The following EML1 variants were observed in gnomAD, a reference collection of about 807,000 sequenced individuals.
The protein encoded by EML1 is EMAP like 1.
Under a neutral mutation model 110.4 loss-of-function variants are expected in EML1, and 27 were observed. The observed-to-expected ratio is 0.24, with a 90% confidence interval of 0.18 to 0.34. The LOEUF (loss-of-function observed/expected upper bound fraction) is 0.34. Ranked by LOEUF, EML1 falls within the 10% of genes least tolerant of loss-of-function variation. EML1 has a pLI of 1.00. For missense variants in EML1, 741 were observed against 1,030.9 expected, an observed-to-expected ratio of 0.72 and a Z score of 3.85; for synonymous variants, 344 against 385.8, an observed-to-expected ratio of 0.89 and a Z score of 1.27.
chr14:99,743,196 T>C (rs1007800802), intron 1 of EML1, among the ~76,000 whole-genome samples: 2 of 152,164 alleles, frequency 1.3e-5, no homozygotes, highest in Non-Finnish European at 2.9e-5. Flanking sequence ...GAGGGCATGG[T>C]GAGCTGGGGC....
intron 1 of EML1, among the ~76,000 whole-genome samples, chr14:99,753,250 C>A (rs1399130302): frequency 1.4e-5 from 2 of 144,616 alleles, no homozygotes; most frequent in African/African-American, 5.1e-5. Context: ...TTCCGAGGGG[C>A]ATTTCATCTC....
intron 1 of EML1, among the ~76,000 whole-genome samples, chr14:99,748,094 C>T (rs2057133480): frequency 6.6e-6 from 1 of 152,154 alleles, no homozygotes. Context: ...CCGGGATGCC[C>T]GGGCAGGAGG....
At chr14:99,897,358 C>T (rs2059689133) in intron 7 of EML1, 64 bp downstream of exon 7, 2 of 1,494,060 alleles carry the variant, frequency 1.3e-6, no homozygotes, top group African/African-American at 1.4e-5. Context: ...CGCTTGAGGC[C>T]AGGAGTTCCA....
In EML1 at chr14:99,897,245, G is replaced by C; in HGVS notation, c.778G>C (p.Glu260Gln). Reference sequence around the variant, plus strand: ...ATCCGTGGTGGTGTTATACAACGTGGAGGAGCAACTGCAGAGGCATTACGC... The same window carrying C: ...ATCCGTGGTGGTGTTATACAACGTGCAGGAGCAACTGCAGAGGCATTACGC... Reference protein sequence around the residue: ...IASVVVLYNVEEQLQRHYAGH... With the variant: ...IASVVVLYNVQEQLQRHYAGH... The change falls in exon 7 of 22, where the codon GAG (glutamate) becomes CAG (glutamine). Residue 260 changes from glutamate (E) to glutamine (Q), a missense_variant. Glu to Gln is a conservative substitution (Grantham distance 29). Coordinates refer to ENST00000262233, the MANE Select transcript of EML1 (RefSeq NM_004434.3). 6.2e-7 allele frequency: 1 copy of C among 1,613,144 alleles called. No individual in the cohort carries two copies. Among genetic ancestry groups the C allele is most frequent in the South Asian group, 1.1e-5 (1 of 90,878 alleles).
chr14:99,793,797 C>T (rs2140233127), intron 1 of EML1, among the ~76,000 whole-genome samples: 1 of 149,002 alleles, frequency 6.7e-6, no homozygotes, highest in African/African-American at 2.4e-5. Flanking sequence ...CGCGCGGACC[C>T]CGCCGGCTCC....
intron 12 of EML1, 42 bp from the exon 13 acceptor site, chr14:99,911,380 C>A: frequency 6.5e-7 from 1 of 1,545,208 alleles, no homozygotes; most frequent in Non-Finnish European, 8.7e-7. Flanking sequence ...CAGAGGCAAC[C>A]TTTTGACAAT....
At chr14:99,805,011 G>A (rs1197451351) in intron 1 of EML1, among the ~76,000 whole-genome samples, 1 of 152,146 alleles carries the variant, frequency 6.6e-6, no homozygotes, top group Non-Finnish European at 1.5e-5. Flanking sequence ...CACATGCTGA[G>A]CGCCCTTGCC....
upstream of EML1, among the ~76,000 whole-genome samples, chr14:99,789,224 T>C (rs1428094351): frequency 6.6e-6 from 1 of 152,232 alleles, no homozygotes; most frequent in Non-Finnish European, 1.5e-5. Context: ...ATTTATTTTT[T>C]TTGAGACAGC....
At chr14:99,763,194 A>G (rs1371222433) in intron 1 of EML1, among the ~76,000 whole-genome samples, 2 of 152,228 alleles carry the variant, frequency 1.3e-5, no homozygotes, top group African/African-American at 4.8e-5. Flanking sequence ...AGGCCTCCCC[A>G]GCCACATGGA....
intron 15 of EML1, among the ~76,000 whole-genome samples, chr14:99,916,008 G>A (rs2060028426): frequency 6.6e-6 from 1 of 152,238 alleles, no homozygotes; most frequent in Non-Finnish European, 1.5e-5. Context: ...TCAGAGAGCA[G>A]GTGTGGCCCG....
At chr14:99,891,960 G>C (rs979515272) in intron 5 of EML1, among the ~76,000 whole-genome samples, 1 of 152,200 alleles carries the variant, frequency 6.6e-6, no homozygotes, top group Non-Finnish European at 1.5e-5. Context: ...CACTGAAAAT[G>C]TACTTGCTGT....
intron 4 of EML1, among the ~76,000 whole-genome samples, chr14:99,887,300 T>C (rs1191107): frequency 0.53 from 80,995 of 152,110 alleles, 22,582 homozygotes; most frequent in East Asian, 0.87. Flanking sequence ...ATAAGAACTG[T>C]GCTGGAGTTC....
In EML1 at chr14:99,941,310, AT is replaced by A. The variant is rs1185335705; in HGVS notation, c.*1203del. On this transcript the variant is annotated 3_prime_UTR_variant, in exon 22 of 22. Transcript: ENST00000262233. ...AACAGACTTTAAAGCAAATATTAAG[AT>A]TTTTACTCATTCAAGGCAAGTAAAT... 3 of 152,220 alleles carry A rather than the reference AT, an allele frequency of 2.0e-5. No individual in the cohort carries two copies. The highest frequency in any genetic ancestry group is 4.4e-5 in the Non-Finnish European group (3 of 68,028). 9.4% of individuals were successfully genotyped at this position (152,220 alleles called of 1,614,324 possible). A position where few individuals can be genotyped will look rare whatever the true frequency, so the allele number is the denominator to read the frequency against.
intron 1 of EML1, among the ~76,000 whole-genome samples, chr14:99,754,381 C>A (rs1008646570): frequency 6.6e-6 from 1 of 152,214 alleles, no homozygotes; most frequent in African/African-American, 2.4e-5. Context: ...CACGGTGGCA[C>A]GCATGGCGTT....
chr14:99,897,026 A>T, intron 6 of EML1, 119 bp from the exon 7 acceptor site: 1 of 929,082 alleles, frequency 1.1e-6, no homozygotes, highest in Non-Finnish European at 1.5e-6. Flanking sequence ...AATGTTGTTT[A>T]AATTAGTGAT....
intron 17 of EML1, among the ~76,000 whole-genome samples, chr14:99,935,513 A>G (rs555352266): frequency 6.6e-6 from 1 of 151,986 alleles, no homozygotes; most frequent in African/African-American, 2.4e-5. Context: ...CGCTGGACGC[A>G]GTGGCTCACA....
At chr14:99,777,795 G>GTTTGT (rs1192585872) in intron 1 of EML1, among the ~76,000 whole-genome samples, 3 of 152,232 alleles carry the variant, frequency 2.0e-5, no homozygotes, top group Admixed American at 6.5e-5. Flanking sequence ...TTGTGGGGCA[G>GTTTGT]TTTGTTTTGT....
upstream of EML1, among the ~76,000 whole-genome samples, chr14:99,792,496 G>A (rs1443757334): frequency 6.6e-6 from 1 of 152,114 alleles, no homozygotes; most frequent in East Asian, 1.9e-4. Context: ...GCATTTATAC[G>A]TGTATGGCCT....
Position 99,939,635 on chromosome 14 carries a change from G to A in EML1, c.2322+308G>A, listed in dbSNP as rs868494638. ...CCGCGCCAGCCCTGAGCCCTGGGAC[G>A]CCCTTCTTCATCCTCCGTGATCCTG... On this transcript the variant is annotated intron_variant, in intron 21 of 21. Transcript: ENST00000262233. The surrounding 1 kb of genome is among the most constrained non-coding windows in gnomAD (Gnocchi z 4.2). 2.6e-5 allele frequency among the ~76,000 whole-genome samples: 4 copies of A among 152,102 alleles called. No individual in the cohort carries two copies. Among genetic ancestry groups the A allele is most frequent in the African/African-American group, 7.2e-5 (3 of 41,424 alleles).
Sources: gnomAD v4.1 joint callset for allele counts (sites outside exome capture counted in the v4.1 genomes callset) on GRCh38, gnomAD v4.1.1 for gene constraint, Gnocchi (gnomAD v3.1) non-coding constraint, MANE v1.5 for transcripts, NCBI Gene and HGNC (gene_info 2026-07-23, HGNC 2026-07-21) for gene names.